Variants in TREH observed in about 807,000 individuals in gnomAD.
TREH encodes trehalase.
Under a neutral mutation model 80.5 loss-of-function variants are expected in TREH, and 69 were observed. The observed-to-expected ratio is 0.86, with a 90% CI of 0.71 to 1.05. TREH has a LOEUF of 1.05. Among genes scored for constraint, TREH ranks in the 50% least tolerant of loss-of-function variants. The pLI, the probability that TREH is intolerant of heterozygous loss-of-function variation, is 0.00. For missense variants in TREH, 716 were observed against 718.8 expected (o/e 1.00, Z 0.04); for synonymous variants, 309 against 293.5 (o/e 1.05, Z -0.54).
chr11:118,664,880 G>A (rs879998756), intron 1 of TREH, among the ~76,000 whole-genome samples: 1 of 152,106 alleles, frequency 6.6e-6, no homozygotes, highest in African/African-American at 2.4e-5. Flanking sequence ...AGGCTGAGGT[G>A]GGTGGATCAC....
intron 1 of TREH, among the ~76,000 whole-genome samples, chr11:118,665,432 G>A (rs1274453428): frequency 1.3e-5 from 2 of 152,290 alleles, no homozygotes; most frequent in East Asian, 3.9e-4. Context: ...AAGGTCAGGA[G>A]AACGAGACCT....
intron 1 of TREH, among the ~76,000 whole-genome samples, chr11:118,673,634 A>G (rs1555146538): frequency 2.0e-5 from 3 of 152,194 alleles, no homozygotes; most frequent in African/African-American, 7.2e-5. Flanking sequence ...TTGATCCTGG[A>G]AAGGGGTCCT....
In TREH at chr11:118,661,669, GC is replaced by G; in HGVS notation, c.584del (p.Gly195AlafsTer10). 2 of 1,613,928 alleles carry G rather than the reference GC, an allele frequency of 1.2e-6. No individual in the cohort carries two copies. The highest frequency in any genetic ancestry group is 2.2e-5 in the South Asian group (2 of 91,082). On this transcript the variant is annotated frameshift_variant, in exon 6 of 15. Transcript: ENST00000264029. LOFTEE classifies it high-confidence loss of function. This position sits in a 1 kb window ranked among gnomAD's most constrained non-coding sequence, Gnocchi z 4.2. ...LLSEMAETVK[G>X]MLQNFLDLVK... is the part of the protein sequence containing the mutation. ...CCAGGTCCAAGAAGTTCTGCAGCAT[GC>G]CCTTCACCGTCTCAGCCATCTCTGA...
At chr11:118,667,332 G>A (rs1441352798) in intron 1 of TREH, among the ~76,000 whole-genome samples, 4 of 136,634 alleles carry the variant, frequency 2.9e-5, no homozygotes, top group Non-Finnish European at 6.2e-5. Context: ...GCATATGCCA[G>A]CATATCCAGC....
chr11:118,668,484 GC>G (rs1291405321), intron 1 of TREH, among the ~76,000 whole-genome samples: 3 of 376 alleles, frequency 8.0e-3, no homozygotes, highest in Admixed American at 0.056. Flanking sequence ...GATCGCTTGA[GC>G]CCAGGCAGGC....
At chr11:118,660,983 G>A (rs1949315032) in intron 8 of TREH, 68 bp from the exon 9 acceptor site, 1 of 1,547,628 alleles carries the variant, frequency 6.5e-7, no homozygotes, top group Non-Finnish European at 8.8e-7. Flanking sequence ...TCAAGAAGAG[G>A]CTGAGCCATC....
At chr11:118,663,552 A>C in intron 1 of TREH, 113 bp from the exon 2 acceptor site, 1 of 857,298 alleles carries the variant, frequency 1.2e-6, no homozygotes, top group African/African-American at 1.7e-5. Flanking sequence ...GGGACTGGAC[A>C]AGGGCTGTGT....
chr11:118,660,051 C>T, intron 10 of TREH, 87 bp from the exon 11 acceptor site: 1 of 1,260,848 alleles, frequency 7.9e-7, no homozygotes, highest in Non-Finnish European at 1.1e-6. Flanking sequence ...AGCCTCCCCG[C>T]TTTGTGTTTC....
chr11:118,661,212 C>T lies in TREH; in HGVS notation c.805G>A (p.Glu269Lys). 6.2e-7 allele frequency: 1 copy of T among 1,614,002 alleles called. No homozygotes were observed. The highest frequency in any genetic ancestry group is 8.5e-7 in the Non-Finnish European group (1 of 1,179,892). ...CGATTCAGGAGGTAGTTCTTTCCCTCCAAGCTCACAGAGACAGTCCTGTTC... is the reference window on the plus strand; with the variant it reads ...CGATTCAGGAGGTAGTTCTTTCCCTTCAAGCTCACAGAGACAGTCCTGTTC... ...TKNRTVSVSL[E>K]GKNYLLNRYY... The change falls in exon 8 of 15, where the codon GAG becomes AAG. Residue 269 changes from glutamate (E) to lysine (K), a missense_variant. Physicochemically the swap from Glu to Lys is moderately conservative, Grantham distance 56 (BLOSUM62 1). Coordinates refer to ENST00000264029, the MANE Select transcript of TREH (RefSeq NM_007180.3). The surrounding 1 kb of genome is among the most constrained non-coding windows in gnomAD (Gnocchi z 4.2).
Position 118,659,858 on chromosome 11 carries a change from G to A in TREH, c.1209C>T (p.Asp403=), listed in dbSNP as rs1555144489. 1 of 1,554,650 alleles carries A rather than the reference G, an allele frequency of 6.4e-7. No homozygotes were observed. The part of the protein sequence containing the change: ...DEQTGAWFDY[D]LEKKKKNREF... ...CCCGGTTTTTCTTCTTCTTCTCAAGGTCGTAATCGAACCAGGCTCCGGTCT... is the reference window on the plus strand; with the variant it reads ...CCCGGTTTTTCTTCTTCTTCTCAAGATCGTAATCGAACCAGGCTCCGGTCT... Residue 403 remains aspartate (D), a synonymous_variant, in exon 11 of 15, where the codon GAC becomes GAT. Transcript: ENST00000264029.
intron 1 of TREH, among the ~76,000 whole-genome samples, chr11:118,665,565 G>C (rs935711325): frequency 9.9e-5 from 15 of 151,944 alleles, no homozygotes; most frequent in African/African-American, 3.1e-4. Flanking sequence ...GCGTGAACCC[G>C]GGAGGCAGAG....
chr11:118,679,409 C>G, intron 1 of TREH, 130 bp downstream of exon 1: 10 of 1,159,064 alleles, frequency 8.6e-6, no homozygotes, highest in Non-Finnish European at 1.1e-5. Context: ...TCATTTTCTT[C>G]TCTTCCCTAC....
In TREH at chr11:118,661,942, A is replaced by C. The variant is rs1555145094; in HGVS notation, c.472T>G (p.Ser158Ala). 6.4e-7 allele frequency: 1 copy of C among 1,555,846 alleles called. No individual in the cohort carries two copies. Among genetic ancestry groups the C allele is most frequent in the East Asian group, 2.4e-5 (1 of 41,256 alleles). Reference sequence around the variant, plus strand: ...CCAGGCACAATGAAGGGATGTTCTGAGTAGATGAGAGAGAACCGCTCAGGG... The same window carrying C: ...CCAGGCACAATGAAGGGATGTTCTGCGTAGATGAGAGAGAACCGCTCAGGG... ...SHPERFSLIY[S>A]EHPFIVPGGR... The change falls in exon 5 of 15, where the codon TCA (serine) becomes GCA (alanine). Residue 158 changes from serine (S) to alanine (A), a missense_variant. Transcript: ENST00000264029. This position sits in a 1 kb window ranked among gnomAD's most constrained non-coding sequence, Gnocchi z 4.2.
intron 1 of TREH, among the ~76,000 whole-genome samples, chr11:118,666,334 C>T (rs879969306): frequency 3.9e-5 from 6 of 152,160 alleles, no homozygotes; most frequent in Admixed American, 3.9e-4. Flanking sequence ...AATCCAATAT[C>T]ACATTGGTGT....
In TREH at chr11:118,660,626, T is replaced by C. The variant is rs140687140; in HGVS notation, c.1015A>G (p.Ile339Val). ...GGPNPNSLSG[I>V]RTSKLVPVDL... ...ACAGGCACCAGTTTGCTTGTTCGGA[T>C]GCCGCTAAGCGAGTTGGGGTTTGGG... The change falls in exon 10 of 15, where the codon ATC becomes GTC. Residue 339 changes from isoleucine (I) to valine (V), a missense_variant. Ile to Val is a conservative substitution (Grantham distance 29). Transcript: ENST00000264029. 1,286 of 1,609,182 alleles carry C rather than the reference T, an allele frequency of 8.0e-4. 18 individuals are homozygous for C. In the East Asian group the frequency reaches 0.02, roughly 25 times the overall value.
At chr11:118,670,116 G>T (rs782212606) in intron 1 of TREH, among the ~76,000 whole-genome samples, 1 of 152,160 alleles carries the variant, frequency 6.6e-6, no homozygotes, top group Non-Finnish European at 1.5e-5. Flanking sequence ...TCAATTTCCA[G>T]TTCCACTCCC....
intron 1 of TREH, among the ~76,000 whole-genome samples, chr11:118,676,215 G>T (rs570499360): frequency 6.6e-6 from 1 of 152,170 alleles, no homozygotes; most frequent in Non-Finnish European, 1.5e-5. Context: ...ATGTGGAGTC[G>T]TCTTGTTAGC....
At chr11:118,662,503 C>T (rs1267071178) in intron 4 of TREH, among the ~76,000 whole-genome samples, 3 of 152,186 alleles carry the variant, frequency 2.0e-5, no homozygotes, top group Non-Finnish European at 4.4e-5. Context: ...CCTGGCCCCA[C>T]GCAGCAGTAG....
intron 14 of TREH, 78 bp downstream of exon 14, chr11:118,658,600 CTG>C (rs1299626406): frequency 1.9e-5 from 29 of 1,538,020 alleles, no homozygotes; most frequent in African/African-American, 4.1e-5. Flanking sequence ...GGTGAGCACA[CTG>C]AGGCCTGGGG....
Sources: allele counts gnomAD v4.1 joint callset (sites outside exome capture counted in the v4.1 genomes callset), GRCh38; gene constraint gnomAD v4.1.1; non-coding constraint Gnocchi (gnomAD v3.1); transcripts MANE v1.5; gene names NCBI Gene and HGNC (gene_info 2026-07-23, HGNC 2026-07-21).